TAC1: variants seen among roughly 807,000 people sequenced by gnomAD.
TAC1 encodes protachykinin-1.
TAC1 carries 12 observed loss-of-function variants against 21.7 expected under a neutral mutation model. That is an observed-to-expected ratio of 0.55 (90% CI 0.35 to 0.89). TAC1 has a LOEUF of 0.89. Ranked by LOEUF, TAC1 falls within the 40% of genes least tolerant of loss-of-function variation. TAC1 has a pLI of 0.01. For synonymous variants in TAC1, 52 were observed against 52.0 expected (o/e 1.00, Z 0.00); for missense variants, 128 against 151.4 (o/e 0.85, Z 0.81).
chr7:97,733,585 A>T, intron 2 of TAC1, 138 bp from the exon 3 acceptor site: 1 of 715,534 alleles, frequency 1.4e-6, no homozygotes, highest in Non-Finnish European at 2.3e-6. Flanking sequence ...CTCGGGAGGG[A>T]CCCCGCTCAG....
Position 97,732,741 on chromosome 7 carries a change from GCCC to G in TAC1, c.123+8_123+10del. The G allele has an allele frequency of 6.2e-7, 1 of 1,612,838 alleles. No individual in the cohort carries two copies. Among genetic ancestry groups the G allele is most frequent in the Non-Finnish European group, 8.5e-7 (1 of 1,179,632 alleles). ...ACGACAGCGACCAGATCAAGGTGAG[GCCC>G]CTTCCCAGGACGGCCCGCACCCTTC... is the stretch of plus-strand genomic sequence containing the variant. On this transcript the variant is annotated splice_region_variant and intron_variant, in intron 2 of 6. Coordinates refer to ENST00000319273, the MANE Select transcript of TAC1 (RefSeq NM_003182.3). This position sits in a 1 kb window ranked among gnomAD's most constrained non-coding sequence, Gnocchi z 6.2.
intron 6 of TAC1, 141 bp from the exon 7 acceptor site, chr7:97,739,733 G>A: frequency 1.8e-6 from 1 of 552,528 alleles, no homozygotes; most frequent in Non-Finnish European, 3.2e-6. Flanking sequence ...AAGATGTGCA[G>A]ATAACATTCT....
chr7:97,735,164 C>T (rs1298581195), intron 5 of TAC1, among the ~76,000 whole-genome samples: 1 of 152,038 alleles, frequency 6.6e-6, no homozygotes, highest in Non-Finnish European at 1.5e-5. Flanking sequence ...CCACCCACCC[C>T]CTAAGCTTAC....
At chr7:97,734,667 A>T (rs970638104) in intron 4 of TAC1, among the ~76,000 whole-genome samples, 159 bp from the exon 5 acceptor site, 4 of 152,154 alleles carry the variant, frequency 2.6e-5, no homozygotes, top group African/African-American at 9.7e-5. Context: ...TTTATGATTA[A>T]TAATTTGTTT....
At position 97,734,824 on chromosome 7, in the gene TAC1, A is replaced by G; in HGVS notation, c.266-2A>G. 6.3e-7 allele frequency: 1 copy of G among 1,594,406 alleles called. No homozygotes were observed. Among genetic ancestry groups the G allele is most frequent in the Non-Finnish European group, 8.6e-7 (1 of 1,165,850 alleles). ...TGTTTGCTAATTTTATCTTTCTTCTAGGACATGGCCAGATCTCTCACAAAA... is the reference window on the plus strand; with the variant it reads ...TGTTTGCTAATTTTATCTTTCTTCTGGGACATGGCCAGATCTCTCACAAAA... On this transcript the variant is annotated splice_acceptor_variant, in intron 4 of 6. Coordinates refer to ENST00000319273, the MANE Select transcript of TAC1 (RefSeq NM_003182.3). LOFTEE classifies it high-confidence loss of function.
chr7:97,738,134 G>GA lies in TAC1; in HGVS notation c.344-1733dup, dbSNP rs201765750. ...AGGAAATATAAATAGGTGAAATGTG[G>GA]AAAAAAATGTGATATGATCCACAGT... On this transcript the variant is annotated intron_variant, in intron 6 of 6. Coordinates refer to ENST00000319273, the MANE Select transcript of TAC1 (RefSeq NM_003182.3). 3.4e-3 allele frequency among the ~76,000 whole-genome samples: 522 copies of GA among 151,996 alleles called. 3 individuals are homozygous for GA. The highest frequency in any genetic ancestry group is 0.012 in the African/African-American group (492 of 41,520).
intron 5 of TAC1, among the ~76,000 whole-genome samples, chr7:97,735,487 G>T (rs558053751): frequency 1.6e-4 from 25 of 152,224 alleles, no homozygotes; most frequent in African/African-American, 6.0e-4. Flanking sequence ...TAATGGAACC[G>T]GAGTTGACAA....
rs1205729645 is a variant in TAC1 at position 97,733,838 on chromosome 7, C to G, written c.220+19C>G. 1 of 1,612,884 alleles carries G rather than the reference C, an allele frequency of 6.2e-7. No homozygotes were observed. On this transcript the variant is annotated intron_variant, in intron 3 of 6. Transcript: ENST00000319273. The stretch of plus-strand genomic sequence containing the variant: ...GATGCTGGTGAGATAGGCGACCGTC[C>G]CTAGGTGTCTTGGGCAGCCCGCCCT...
Position 97,734,285 on chromosome 7 carries a change from T to G in TAC1, c.258T>G (p.Ala86=). The G allele has an allele frequency of 6.2e-7, 1 of 1,613,498 alleles. No individual in the cohort carries two copies. The highest frequency in any genetic ancestry group is 8.5e-7 in the Non-Finnish European group (1 of 1,179,472). Residue 86 remains alanine (A), a synonymous_variant, in exon 4 of 7, where the codon GCT becomes GCG. Transcript: ENST00000319273. ...SIEKQVALLK[A]LYGHGQISHK... is the part of the protein sequence containing the mutation. ...AAAAACAAGTGGCCCTGTTAAAGGC[T>G]CTTTATGGTAAACATTCCTATAAAT...
At chr7:97,739,041 A>C (rs1328188283) in intron 6 of TAC1, among the ~76,000 whole-genome samples, 2 of 150,498 alleles carry the variant, frequency 1.3e-5, no homozygotes, top group Non-Finnish European at 3.0e-5. Context: ...TTTTTTGTCC[A>C]GATAATCAAT....
intron 6 of TAC1, among the ~76,000 whole-genome samples, chr7:97,738,553 T>C (rs1349345083): frequency 6.6e-6 from 1 of 152,014 alleles, no homozygotes; most frequent in Non-Finnish European, 1.5e-5. Flanking sequence ...AAATAAACTG[T>C]TTCCTTCCCT....
At position 97,740,080 on chromosome 7, in the gene TAC1, T is replaced by C. The variant is rs1789672059; in HGVS notation, c.*160T>C. 3 of 480,072 alleles carry C rather than the reference T, an allele frequency of 6.2e-6. No homozygotes were observed. The highest frequency in any genetic ancestry group is 3.8e-5 in the South Asian group (1 of 25,988). The allele number at this position is 480,072 out of a possible 1,614,324, so 29.7% of individuals were successfully genotyped here. ...TTTTTCATATTGTGCCAATATGTAT[T>C]GTAAACATGTGTTTTAATTCCAATA... On this transcript the variant is annotated 3_prime_UTR_variant, in exon 7 of 7. Coordinates refer to ENST00000319273, the MANE Select transcript of TAC1 (RefSeq NM_003182.3).
Position 97,732,994 on chromosome 7 carries a change from C to CTACCA in TAC1, c.123+259_123+260insTACCA. 2.7e-6 allele frequency: 1 copy of CTACCA among 364,852 alleles called. No homozygotes were observed. The highest frequency in any genetic ancestry group is 4.1e-5 in the Admixed American group (1 of 24,482). The allele number at this position is 364,852 out of a possible 1,614,324, so 22.6% of individuals were successfully genotyped here. A position where few individuals can be genotyped will look rare whatever the true frequency, so the allele number is the denominator to read the frequency against. On this transcript the variant is annotated intron_variant, in intron 2 of 6. Transcript: ENST00000319273. The surrounding 1 kb of genome is among the most constrained non-coding windows in gnomAD (Gnocchi z 6.2). ...CAGTAGGGATGCCCTCCCGGATGAGCCCGAGATCCTCACAAGGCGGGAAAT... is the reference window on the plus strand; with the variant it reads ...CAGTAGGGATGCCCTCCCGGATGAGCTACCACCGAGATCCTCACAAGGCGGGAAAT...
At chr7:97,734,104 G>A (rs1452888853) in intron 3 of TAC1, 144 bp from the exon 4 acceptor site, 3 of 808,254 alleles carry the variant, frequency 3.7e-6, no homozygotes, top group Non-Finnish European at 6.0e-6. Flanking sequence ...GTAGTACTGC[G>A]GATGATCCAA....
intron 6 of TAC1, among the ~76,000 whole-genome samples, chr7:97,738,941 AAC>A (rs1294206598): frequency 1.1e-4 from 16 of 151,268 alleles, no homozygotes; most frequent in Non-Finnish European, 1.6e-4. Flanking sequence ...CTTTTATTGC[AAC>A]AGTCTGATTT....
intron 2 of TAC1, among the ~76,000 whole-genome samples, chr7:97,733,494 G>A (rs1175103356): frequency 6.6e-6 from 1 of 152,118 alleles, no homozygotes; most frequent in Non-Finnish European, 1.5e-5. Context: ...TGAAGACGCC[G>A]AGCCAGCTGC....
Position 97,732,881 on chromosome 7 carries a change from C to G in TAC1, c.123+146C>G. On this transcript the variant is annotated intron_variant, in intron 2 of 6. Transcript: ENST00000319273. This position sits in a 1 kb window ranked among gnomAD's most constrained non-coding sequence, Gnocchi z 6.2. ...TTGCGTGCGAGAGGATGGAAAGGGG[C>G]ACTATTTCCCGGGTTCCCCACGGGA... 9.3e-7 allele frequency: 1 copy of G among 1,075,444 alleles called. No individual in the cohort carries two copies. Among genetic ancestry groups the G allele is most frequent in the Non-Finnish European group, 1.3e-6 (1 of 766,648 alleles). The allele number at this position is 1,075,444 out of a possible 1,614,324, so 66.6% of individuals were successfully genotyped here.
chr7:97,740,035 G>T lies in TAC1; in HGVS notation c.*115G>T. ...TATTTAATAACAATTGTTTGGGGTTGAAAATTCAAAAAGTGTTTATTTTTC... is the reference window on the plus strand; with the variant it reads ...TATTTAATAACAATTGTTTGGGGTTTAAAATTCAAAAAGTGTTTATTTTTC... On this transcript the variant is annotated 3_prime_UTR_variant, in exon 7 of 7. Coordinates refer to ENST00000319273, the MANE Select transcript of TAC1 (RefSeq NM_003182.3). 1 of 738,616 alleles carries T rather than the reference G, an allele frequency of 1.4e-6. No individual in the cohort carries two copies. The highest frequency in any genetic ancestry group is 2.5e-5 in the South Asian group (1 of 39,458). The allele number at this position is 738,616 out of a possible 1,614,324, so 45.8% of individuals were successfully genotyped here. A position where few individuals can be genotyped will look rare whatever the true frequency, so the allele number is the denominator to read the frequency against.
chr7:97,733,251 C>T (rs1433422866), intron 2 of TAC1, among the ~76,000 whole-genome samples: 1 of 152,178 alleles, frequency 6.6e-6, no homozygotes, highest in East Asian at 1.9e-4. Flanking sequence ...TTTAGAAACT[C>T]GTAGGCTACA....
Sources: allele counts gnomAD v4.1 joint callset (sites outside exome capture counted in the v4.1 genomes callset), GRCh38; gene constraint gnomAD v4.1.1; non-coding constraint Gnocchi (gnomAD v3.1); transcripts MANE v1.5; gene names NCBI Gene and HGNC (gene_info 2026-07-23, HGNC 2026-07-21).